Variants in DYNLT2B observed in about 807,000 individuals in gnomAD.
DYNLT2B encodes the protein dynein light chain Tctex-type protein 2B.
Under a neutral mutation model 19.5 loss-of-function variants are expected in DYNLT2B, and 14 were observed. The ratio of observed to expected loss-of-function variants is 0.72; its 90% CI spans 0.47 to 1.12. The LOEUF is 1.12. Ranked by LOEUF, DYNLT2B falls within the 50% of genes most tolerant of loss-of-function variation. DYNLT2B has a pLI of 0.00. For missense variants in DYNLT2B, 133 were observed against 174.7 expected (o/e 0.76, Z 1.35); for synonymous variants, 70 against 59.7 (o/e 1.17, Z -0.79).
chr3:196,297,504 G>A (rs756065704), intron 3 of DYNLT2B, among the ~76,000 whole-genome samples: 2 of 151,908 alleles, frequency 1.3e-5, no homozygotes, highest in Admixed American at 6.6e-5. Flanking sequence ...CAGCCTTGGC[G>A]ACAGAGTGAG....
At chr3:196,311,513 G>A (rs11929532) in intron 2 of DYNLT2B, among the ~76,000 whole-genome samples, 47,168 of 151,704 alleles carry the variant, frequency 0.31, 8,580 homozygotes, top group East Asian at 0.83. Flanking sequence ...AGGAAGTAAC[G>A]AATGGAATAG....
At chr3:196,318,016 C>A (rs766987589) in intron 1 of DYNLT2B, 24 bp downstream of exon 1, 13 of 1,429,940 alleles carry the variant, frequency 9.1e-6, no homozygotes, top group Non-Finnish European at 1.1e-5. Flanking sequence ...GAGGTCGCCC[C>A]GCCACAGCCC....
rs539042625 is a variant in DYNLT2B, at chr3:196,317,839, G to A, written c.113+201C>T. 8.5e-5 allele frequency among the ~76,000 whole-genome samples: 13 copies of A among 152,192 alleles called. No individual in the cohort carries two copies. In the South Asian group the frequency reaches 2.7e-3, roughly 32 times the overall value. The stretch of plus-strand genomic sequence containing the variant: ...GCGCCCAAACACTGAGGAAGCGGGT[G>A]GGGTCCCCTGCGGCCCCTGCAGCGG... On this transcript the variant is annotated intron_variant, in intron 1 of 4. Transcript: ENST00000325318.
At chr3:196,312,615 C>T (rs1037471498) in intron 2 of DYNLT2B, among the ~76,000 whole-genome samples, 14 of 151,856 alleles carry the variant, frequency 9.2e-5, no homozygotes, top group Non-Finnish European at 1.3e-4. Context: ...CCCACTACCA[C>T]GCCCGGCTAA....
At chr3:196,299,696 C>T (rs1726303778) in intron 3 of DYNLT2B, among the ~76,000 whole-genome samples, 2 of 152,042 alleles carry the variant, frequency 1.3e-5, no homozygotes, top group Non-Finnish European at 1.5e-5. Context: ...CTTTGGGAGG[C>T]TGAGGCAGGC....
chr3:196,291,501 C>T (rs1726094437), intron 4 of DYNLT2B, 127 bp from the exon 5 acceptor site: 1 of 910,472 alleles, frequency 1.1e-6, no homozygotes, highest in East Asian at 2.7e-5. Flanking sequence ...TTTTTTGAGA[C>T]AGGGTGTCAC....
intron 3 of DYNLT2B, among the ~76,000 whole-genome samples, chr3:196,299,138 G>A (rs1319264159): frequency 2.0e-5 from 3 of 149,840 alleles, no homozygotes; most frequent in African/African-American, 7.4e-5. Context: ...AGGCTGGAGT[G>A]CAGTGGCACA....
At chr3:196,306,919 A>G in intron 3 of DYNLT2B, 24 bp downstream of exon 3, 1 of 1,603,608 alleles carries the variant, frequency 6.2e-7, no homozygotes, top group South Asian at 1.1e-5. Context: ...TGACTAAAAC[A>G]AGAAGGAAAA....
intron 3 of DYNLT2B, among the ~76,000 whole-genome samples, chr3:196,300,174 G>C (rs549839574): frequency 1.3e-5 from 2 of 152,264 alleles, no homozygotes; most frequent in African/African-American, 4.8e-5. Flanking sequence ...CTTCATTTTA[G>C]TTCAATGAAA....
In DYNLT2B at chr3:196,317,355, CTGA is replaced by C. The variant is rs757724388; in HGVS notation, c.113+682_113+684del. Among the ~76,000 whole-genome samples the C allele has an allele frequency of 3.6e-4, 23 of 63,768 alleles. 1 individual carries two copies. Among genetic ancestry groups the C allele is most frequent in the Non-Finnish European group, 5.8e-4 (18 of 30,834 alleles). 41.8% of individuals were successfully genotyped at this position (63,768 alleles called of 152,430 possible). On this transcript the variant is annotated intron_variant, in intron 1 of 4. Transcript: ENST00000325318. ...GTACCCTCTGCTCTGGCCCGTGAGC[CTGA>C]TATTTTTTTCAGTGTGTGTGTGTGT...
chr3:196,303,476 G>A (rs111699074), intron 3 of DYNLT2B, among the ~76,000 whole-genome samples: 1 of 152,128 alleles, frequency 6.6e-6, no homozygotes, highest in Non-Finnish European at 1.5e-5. Flanking sequence ...GGGAGGCAAA[G>A]TTCATATGAA....
In DYNLT2B at chr3:196,314,068, A is replaced by C. The variant is rs532380945; in HGVS notation, c.247+2030T>G. 2.2e-3 allele frequency among the ~76,000 whole-genome samples: 329 copies of C among 152,234 alleles called. 1 individual carries two copies. Among genetic ancestry groups the C allele is most frequent in the Middle Eastern group, 6.8e-3 (2 of 294 alleles). On this transcript the variant is annotated intron_variant, in intron 2 of 4. Coordinates refer to ENST00000325318, the MANE Select transcript of DYNLT2B (RefSeq NM_152773.5). Reference sequence around the variant, plus strand: ...AGCCAAGATCATGCCATTGGACTCCAGCCTGGGCAACAACAGCAAAACTCC... The same window carrying C: ...AGCCAAGATCATGCCATTGGACTCCCGCCTGGGCAACAACAGCAAAACTCC...
At position 196,291,271 on chromosome 3, in the gene DYNLT2B, TA is replaced by T; in HGVS notation, c.*55del. On this transcript the variant is annotated 3_prime_UTR_variant, in exon 5 of 5. Transcript: ENST00000325318. Reference sequence around the variant, plus strand: ...ATTTTGTCAAGATATTTAACAATATTAAAAAGTTCAGATTTCTTCATGGTCA... The same window carrying T: ...ATTTTGTCAAGATATTTAACAATATTAAAAGTTCAGATTTCTTCATGGTCA... 2 of 1,507,950 alleles carry T rather than the reference TA, an allele frequency of 1.3e-6. No individual in the cohort carries two copies. Among genetic ancestry groups the T allele is most frequent in the Non-Finnish European group, 1.8e-6 (2 of 1,105,322 alleles). 93.4% of individuals were successfully genotyped at this position (1,507,950 alleles called of 1,614,324 possible).
chr3:196,311,534 CAG>C (rs1726642457), intron 2 of DYNLT2B, among the ~76,000 whole-genome samples: 1 of 151,920 alleles, frequency 6.6e-6, no homozygotes, highest in Admixed American at 6.6e-5. Context: ...GAAACATATT[CAG>C]AGATATAAGG....
chr3:196,313,183 T>C (rs1726686473), intron 2 of DYNLT2B, among the ~76,000 whole-genome samples: 2 of 151,902 alleles, frequency 1.3e-5, no homozygotes, highest in African/African-American at 4.8e-5. Context: ...GTTGTAATGT[T>C]TGCCTAGTAT....
At chr3:196,291,508 T>A (rs1297688584) in intron 4 of DYNLT2B, 134 bp from the exon 5 acceptor site, 1 of 809,576 alleles carries the variant, frequency 1.2e-6, no homozygotes, top group African/African-American at 1.8e-5. Context: ...AGACAGGGTG[T>A]CACTCTATCA....
chr3:196,298,062 TATAGAC>T (rs372176043), intron 3 of DYNLT2B: 3 of 245,470 alleles, frequency 1.2e-5, no homozygotes, highest in African/African-American at 2.3e-5. Flanking sequence ...TGCAGTTCCT[TATAGAC>T]CCAGCTTGGC....
chr3:196,291,696 T>C (rs1726100291), intron 4 of DYNLT2B, among the ~76,000 whole-genome samples: 1 of 152,210 alleles, frequency 6.6e-6, no homozygotes, highest in South Asian at 2.1e-4. Context: ...CCCAGGCTGT[T>C]CTTGAACTCC....
Position 196,318,130 on chromosome 3 carries a change from G to A in DYNLT2B, c.23C>T (p.Ser8Phe). Reference sequence around the variant, plus strand: ...AGGCACCCCGTCGCCCACCGAGAAGGACACTCCGATGGACGTGGCCATGCC... The same window carrying A: ...AGGCACCCCGTCGCCCACCGAGAAGAACACTCCGATGGACGTGGCCATGCC... MATSIGV[S>F]FSVGDGVPEA... Residue 8 changes from serine to phenylalanine, a missense_variant, in exon 1 of 5, where the codon TCC (serine) becomes TTC (phenylalanine). Transcript: ENST00000325318. The A allele has an allele frequency of 6.5e-7, 1 of 1,549,932 alleles. No homozygotes were observed. The highest frequency in any genetic ancestry group is 1.2e-5 in the South Asian group (1 of 83,978).
Sources: allele counts gnomAD v4.1 joint callset (sites outside exome capture counted in the v4.1 genomes callset), GRCh38; gene constraint gnomAD v4.1.1; transcripts MANE v1.5; gene names NCBI Gene and HGNC (gene_info 2026-07-23, HGNC 2026-07-21).